The following MGAT4C variants were observed in gnomAD, a reference collection of about 807,000 sequenced individuals.
The protein encoded by MGAT4C is alpha-1,3-mannosyl-glycoprotein 4-beta-N-acetylglucosaminyltransferase C.
MGAT4C carries 19 observed loss-of-function variants against 40.1 expected under a neutral mutation model. The ratio of observed to expected loss-of-function variants is 0.47; its 90% CI spans 0.33 to 0.70. The LOEUF (loss-of-function observed/expected upper bound fraction) is 0.70. Among genes scored for constraint, MGAT4C ranks in the 30% least tolerant of loss-of-function variants. The pLI, the probability that MGAT4C is intolerant of heterozygous loss-of-function variation, is 0.02. For synonymous variants in MGAT4C, 181 were observed against 187.1 expected, an observed-to-expected ratio of 0.97 and a Z score of 0.27; for missense variants, 491 against 563.2, an observed-to-expected ratio of 0.87 and a Z score of 1.30.
chr12:86,024,902 G>T (rs1304136775), intron 2 of MGAT4C, among the ~76,000 whole-genome samples: 1 of 151,136 alleles, frequency 6.6e-6, no homozygotes, highest in Non-Finnish European at 1.5e-5. Context: ...TCTAATACCC[G>T]AACTAGTTTT....
At chr12:86,014,367 G>C (rs369905141) in intron 2 of MGAT4C, among the ~76,000 whole-genome samples, 3 of 152,164 alleles carry the variant, frequency 2.0e-5, no homozygotes. Context: ...CCCTTGAGGA[G>C]AGATCTTGAT....
At chr12:86,377,979 GTTTA>G (rs760266602) in intron 3 of MGAT4C, among the ~76,000 whole-genome samples, 139 of 152,208 alleles carry the variant, frequency 9.1e-4, no homozygotes, top group Non-Finnish European at 1.5e-3. Context: ...TTTGTGACTG[GTTTA>G]TTTCACATTG....
chr12:86,265,898 G>A (rs1351163744), intron 4 of MGAT4C, among the ~76,000 whole-genome samples: 2 of 152,022 alleles, frequency 1.3e-5, no homozygotes, highest in Non-Finnish European at 2.9e-5. Flanking sequence ...TATTTTTGTA[G>A]CTATTGTAAA....
chr12:86,627,366 G>C (rs1962850424), intron 2 of MGAT4C, among the ~76,000 whole-genome samples: 1 of 152,184 alleles, frequency 6.6e-6, no homozygotes, highest in Admixed American at 6.5e-5. Flanking sequence ...GAAGAGAGCA[G>C]TGGTTCTTGC....
rs1883880909 is a variant in MGAT4C, at chr12:85,975,155, G to A, written c.*4134C>T. On this transcript the variant is annotated 3_prime_UTR_variant, in exon 5 of 5. Coordinates refer to ENST00000611864, the MANE Select transcript of MGAT4C (RefSeq NM_001351288.2). ...GGTTTCTAGAGTAATAAATTAGAAT[G>A]ACAGGAATATATATTGATTTTAGGA... 1 of 150,840 alleles carries A rather than the reference G, an allele frequency of 6.6e-6. No individual in the cohort carries two copies. Among genetic ancestry groups the A allele is most frequent in the Non-Finnish European group, 1.5e-5 (1 of 67,110 alleles). The allele number at this position is 150,840 out of a possible 1,614,324, so 9.3% of individuals were successfully genotyped here.
Position 85,979,366 on chromosome 12 carries a change from G to A in MGAT4C, c.1360C>T (p.His454Tyr), listed in dbSNP as rs78521308. ...GVNQKIPFDI[H>Y]CMRIYVTKTQ... ...TTGGTGACATATATCCTCATACAAT[G>A]TATATCAAATGGAATTTTTTGATTT... Residue 454 changes from histidine to tyrosine, a missense_variant, in exon 5 of 5, where the codon CAT becomes TAT. His to Tyr is a moderately conservative substitution (Grantham distance 83). Coordinates refer to ENST00000611864, the MANE Select transcript of MGAT4C (RefSeq NM_001351288.2). 3.6e-5 allele frequency: 58 copies of A among 1,612,362 alleles called. No homozygotes were observed. In the East Asian group the frequency reaches 1.2e-3, roughly 34 times the overall value.
intron 1 of MGAT4C, among the ~76,000 whole-genome samples, chr12:86,781,012 T>TG (rs1565985853): frequency 1.1e-3 from 45 of 39,132 alleles, no homozygotes; most frequent in South Asian, 5.5e-3. Context: ...TGGCTGAGTA[T>TG]TGTGTGTGTG....
intron 2 of MGAT4C, among the ~76,000 whole-genome samples, chr12:86,538,944 T>C (rs1257913894): frequency 1.3e-5 from 2 of 152,072 alleles, no homozygotes; most frequent in Admixed American, 1.3e-4. Context: ...ATAAATGTTT[T>C]GTTTCTCATA....
intron 1 of MGAT4C, among the ~76,000 whole-genome samples, chr12:86,193,691 T>C (rs954093560): frequency 6.6e-6 from 1 of 152,178 alleles, no homozygotes; most frequent in Non-Finnish European, 1.5e-5. Flanking sequence ...TCATATTATC[T>C]TCTAGTTTCC....
At chr12:86,089,063 A>G (rs1422032307) in intron 1 of MGAT4C, among the ~76,000 whole-genome samples, 1 of 152,008 alleles carries the variant, frequency 6.6e-6, no homozygotes, top group Non-Finnish European at 1.5e-5. Flanking sequence ...GAGATTTAAT[A>G]CTAACATAGA....
intron 1 of MGAT4C, among the ~76,000 whole-genome samples, chr12:86,054,099 T>C (rs1893156584): frequency 6.6e-6 from 1 of 151,954 alleles, no homozygotes; most frequent in Admixed American, 6.6e-5. Context: ...GGTTACATAA[T>C]CAAATGAAAT....
intron 3 of MGAT4C, among the ~76,000 whole-genome samples, chr12:86,415,356 T>C (rs1180958618): frequency 6.6e-6 from 1 of 151,996 alleles, no homozygotes; most frequent in Non-Finnish European, 1.5e-5. Flanking sequence ...CTAGACCCTA[T>C]GTTAATAACT....
intron 4 of MGAT4C, among the ~76,000 whole-genome samples, chr12:86,299,415 C>G (rs569368592): frequency 2.1e-4 from 32 of 152,246 alleles, no homozygotes; most frequent in African/African-American, 7.0e-4. Flanking sequence ...CTGTGCCTGG[C>G]CTCTTTTCAA....
chr12:86,386,007 T>C (rs962141776), intron 3 of MGAT4C, among the ~76,000 whole-genome samples: 3 of 152,188 alleles, frequency 2.0e-5, no homozygotes, highest in Non-Finnish European at 4.4e-5. Context: ...CTCGGCTCAC[T>C]GCAACCTCCG....
chr12:86,291,478 G>C (rs1953514581), intron 4 of MGAT4C, among the ~76,000 whole-genome samples: 1 of 152,138 alleles, frequency 6.6e-6, no homozygotes, highest in Non-Finnish European at 1.5e-5. Flanking sequence ...TAATTGAGAA[G>C]CTTTCTTTTT....
chr12:86,749,619 A>G (rs1360169766), intron 1 of MGAT4C, among the ~76,000 whole-genome samples: 25 of 151,800 alleles, frequency 1.6e-4, no homozygotes, highest in Admixed American at 1.6e-3. Flanking sequence ...ATAATTAAAG[A>G]CAAATCTGGC....
chr12:86,012,793 C>A (rs879869397), intron 2 of MGAT4C, among the ~76,000 whole-genome samples: 27,122 of 118,640 alleles, frequency 0.23, 2,746 homozygotes, highest in Non-Finnish European at 0.29. Flanking sequence ...CCACCACCAC[C>A]ACCACCACCA....
intron 1 of MGAT4C, among the ~76,000 whole-genome samples, chr12:86,110,300 C>CTATATATATATAGACTATATATATATATA (rs1877107081): frequency 8.2e-5 from 1 of 12,224 alleles, no homozygotes; most frequent in African/African-American, 4.3e-4. Flanking sequence ...TATAGTCTCT[C>CTATATATATATAGACTATATATATATATA]TATATATATA....
intron 1 of MGAT4C, among the ~76,000 whole-genome samples, chr12:86,234,838 C>T (rs1951464634): frequency 1.3e-5 from 2 of 152,026 alleles, no homozygotes; most frequent in Non-Finnish European, 2.9e-5. Flanking sequence ...ATCAACATTT[C>T]TCAGTTTTTG....
Sources: allele counts gnomAD v4.1 joint callset (sites outside exome capture counted in the v4.1 genomes callset), GRCh38; gene constraint gnomAD v4.1.1; transcripts MANE v1.5; gene names NCBI Gene and HGNC (gene_info 2026-07-23, HGNC 2026-07-21).